SAMHD1: variants seen among roughly 807,000 people sequenced by gnomAD.
SAMHD1 encodes deoxynucleoside triphosphate triphosphohydrolase SAMHD1.
In SAMHD1, 54 loss-of-function variants were observed where a neutral mutation model predicts 79.6. That is an observed-to-expected ratio of 0.68 (90% CI 0.55 to 0.85). SAMHD1 has a LOEUF of 0.85. Among genes scored for constraint, SAMHD1 ranks in the 40% least tolerant of loss-of-function variants. The probability of loss-of-function intolerance (pLI) is 0.00; values close to 1 mark genes in which losing one functional copy is unlikely to be tolerated. For synonymous variants in SAMHD1, 260 were observed against 264.1 expected (o/e 0.98, Z 0.15); for missense variants, 663 against 782.7 (o/e 0.85, Z 1.82).
chr20:36,898,874 T>C (rs866855654), intron 13 of SAMHD1, among the ~76,000 whole-genome samples: 3 of 132,472 alleles, frequency 2.3e-5, no homozygotes, highest in Middle Eastern at 0.011. Flanking sequence ...ATCGCACCAC[T>C]GCACTCCAGC....
intron 6 of SAMHD1, among the ~76,000 whole-genome samples, chr20:36,921,392 CAAAAAAAAAA>C (rs34384942): frequency 1.8e-5 from 1 of 55,090 alleles, no homozygotes; most frequent in African/African-American, 7.4e-5. Flanking sequence ...GACTCTGTCT[CAAAAAAAAAA>C]AAAAAAAAAA....
At chr20:36,916,700 T>G in intron 9 of SAMHD1, 22 bp downstream of exon 9, 1 of 1,509,040 alleles carries the variant, frequency 6.6e-7, no homozygotes, top group Non-Finnish European at 9.2e-7. Flanking sequence ...TTCTTCTTAT[T>G]GCCTCCTCTG....
rs185606135 is a variant in SAMHD1, at chr20:36,912,021, T to C, written c.1154+440A>G. ...TCCTGTTGGTTTTACCATTTGGTAC[T>C]AATTTTGATAAATATTTGAAAGGAT... On this transcript the variant is annotated intron_variant, in intron 10 of 15. Transcript: ENST00000646673. 1.4e-4 allele frequency: 29 copies of C among 204,958 alleles called. No homozygotes were observed. In the East Asian group the frequency reaches 2.2e-3, roughly 16 times the overall value. 12.7% of individuals were successfully genotyped at this position (204,958 alleles called of 1,614,324 possible).
chr20:36,919,789 T>C (rs1483483299), intron 6 of SAMHD1, among the ~76,000 whole-genome samples: 3 of 152,204 alleles, frequency 2.0e-5, no homozygotes, highest in Non-Finnish European at 4.4e-5. Flanking sequence ...TAAATGAATA[T>C]TATAAGATCA....
Position 36,904,210 on chromosome 20 carries a change from T to A in SAMHD1, c.1450A>T (p.Lys484Ter), listed in dbSNP as rs1452285528. The change falls in exon 13 of 16, where the codon AAA becomes TAA. Residue 484 changes from lysine to a stop codon, truncating the protein, a stop_gained. Coordinates refer to ENST00000646673, the MANE Select transcript of SAMHD1 (RefSeq NM_015474.4). LOFTEE classifies it high-confidence loss of function. ...TTCACGTCTAGCAATACTTTGGGTT[T>A]AGCACTGGCAACCTCTTTTGGAAGA... is the stretch of plus-strand genomic sequence containing the variant. Reference protein sequence around the residue: ...ESLPKEVASAKPKVLLDVKLK... With the variant: ...ESLPKEVASA 6.2e-7 allele frequency: 1 copy of A among 1,613,782 alleles called. No individual in the cohort carries two copies. Among genetic ancestry groups the A allele is most frequent in the Non-Finnish European group, 8.5e-7 (1 of 1,179,794 alleles).
intron 1 of SAMHD1, among the ~76,000 whole-genome samples, chr20:36,949,448 C>T (rs2146157092): frequency 7.2e-6 from 1 of 139,582 alleles, no homozygotes; most frequent in Admixed American, 7.5e-5. Flanking sequence ...AAAACCCTGT[C>T]TCTAATTAAA....
At chr20:36,928,383 C>T (rs2063548815) in intron 5 of SAMHD1, among the ~76,000 whole-genome samples, 1 of 149,676 alleles carries the variant, frequency 6.7e-6, no homozygotes, top group African/African-American at 2.5e-5. Context: ...AGCAAGACTC[C>T]ATCTCAAAAG....
chr20:36,945,609 G>A (rs531603391), intron 2 of SAMHD1, among the ~76,000 whole-genome samples: 2 of 152,276 alleles, frequency 1.3e-5, no homozygotes, highest in South Asian at 2.1e-4. Context: ...GGCCACACAC[G>A]GTGGCTTATG....
intron 6 of SAMHD1, among the ~76,000 whole-genome samples, chr20:36,926,598 A>G (rs904978309): frequency 1.0e-4 from 15 of 150,630 alleles, no homozygotes; most frequent in Middle Eastern, 3.4e-3. Flanking sequence ...GAGAGAGAGA[A>G]AAAAAAAGTG....
Position 36,892,792 on chromosome 20 carries a change from GTTAC to G in SAMHD1, c.*136_*139del. On this transcript the variant is annotated 3_prime_UTR_variant, in exon 16 of 16. Coordinates refer to ENST00000646673, the MANE Select transcript of SAMHD1 (RefSeq NM_015474.4). ...TACCATCTTATTTCTTTGATTAAAA[GTTAC>G]TTAGCTTCAGCATGCGTGTACATTC... is the stretch of plus-strand genomic sequence containing the variant. 1 of 1,073,494 alleles carries G rather than the reference GTTAC, an allele frequency of 9.3e-7. No individual in the cohort carries two copies. Among genetic ancestry groups the G allele is most frequent in the Non-Finnish European group, 1.4e-6 (1 of 691,894 alleles). The allele number at this position is 1,073,494 out of a possible 1,614,324, so 66.5% of individuals were successfully genotyped here.
Position 36,935,142 on chromosome 20 carries a change from G to A in SAMHD1, c.396C>T (p.Leu132=), listed in dbSNP as rs1216724127. 6.2e-6 allele frequency: 10 copies of A among 1,613,530 alleles called. No individual in the cohort carries two copies. The Admixed American group carries it at 6.7e-5, about 11-fold the overall frequency. ...ATTGAGGTGTATCAATGATTCGGAC[G>A]AGGAGAGGGTGGAGCTCAATGTGGC... ...IHGHIELHPL[L]VRIIDTPQFQ... The change falls in exon 4 of 16, where the codon CTC becomes CTT. Residue 132 remains leucine, a synonymous_variant. Coordinates refer to ENST00000646673, the MANE Select transcript of SAMHD1 (RefSeq NM_015474.4).
At chr20:36,940,973 G>T in intron 3 of SAMHD1, 66 bp downstream of exon 3, 1 of 1,226,104 alleles carries the variant, frequency 8.2e-7, no homozygotes. Context: ...TCTTCAAAAT[G>T]AATTTTACAT....
rs760912458 is a variant in SAMHD1 at position 36,951,582 on chromosome 20, G to A, written c.62C>T (p.Thr21Ile). 1.2e-6 allele frequency: 2 copies of A among 1,614,072 alleles called. No homozygotes were observed. Among genetic ancestry groups the A allele is most frequent in the South Asian group, 1.1e-5 (1 of 91,090 alleles). Residue 21 changes from threonine (T) to isoleucine (I), a missense_variant, in exon 1 of 16, where the codon ACC becomes ATC. Thr to Ile is a moderately conservative substitution (Grantham distance 89). Coordinates refer to ENST00000646673, the MANE Select transcript of SAMHD1 (RefSeq NM_015474.4). ...CTCTGCGGAAGGGGTGTTTGAGGGG[G>A]TTCTCGGGCTGTCATCGCAACGGGG... ...KRPRCDDSPR[T>I]PSNTPSAEAD...
At chr20:36,942,074 T>C (rs1234165562) in intron 2 of SAMHD1, among the ~76,000 whole-genome samples, 2 of 152,292 alleles carry the variant, frequency 1.3e-5, no homozygotes, top group East Asian at 1.9e-4. Context: ...ACTAACCCCG[T>C]GACCACTTAA....
intron 5 of SAMHD1, among the ~76,000 whole-genome samples, chr20:36,928,178 G>A (rs1236745114): frequency 6.7e-6 from 1 of 149,034 alleles, no homozygotes; most frequent in Non-Finnish European, 1.5e-5. Context: ...CTTTGAGTCA[G>A]GAGTTCGAGA....
At chr20:36,951,347 G>A in intron 1 of SAMHD1, 89 bp downstream of exon 1, 1 of 1,572,154 alleles carries the variant, frequency 6.4e-7, no homozygotes, top group Non-Finnish European at 8.6e-7. Context: ...CCTCGGCCTC[G>A]GTCCTCTCGT....
At chr20:36,902,206 G>T (rs1278114027) in intron 13 of SAMHD1, among the ~76,000 whole-genome samples, 1 of 152,034 alleles carries the variant, frequency 6.6e-6, no homozygotes, top group East Asian at 1.9e-4. Context: ...TTTGAGATGA[G>T]GGTCTTGCTC....
chr20:36,894,572 G>A (rs1166533232), intron 15 of SAMHD1, among the ~76,000 whole-genome samples: 2 of 151,912 alleles, frequency 1.3e-5, no homozygotes, highest in East Asian at 3.9e-4. Flanking sequence ...TTCAAGACCA[G>A]CCTGGGCAAC....
At chr20:36,909,602 C>A (rs909114733) in intron 11 of SAMHD1, among the ~76,000 whole-genome samples, 1 of 141,768 alleles carries the variant, frequency 7.1e-6, no homozygotes, top group Admixed American at 7.4e-5. Context: ...ACTCAGGAGG[C>A]GGAGGTTGCA....
Sources: gnomAD v4.1 joint callset for allele counts (sites outside exome capture counted in the v4.1 genomes callset) on GRCh38, gnomAD v4.1.1 for gene constraint, MANE v1.5 for transcripts, NCBI Gene and HGNC (gene_info 2026-07-23, HGNC 2026-07-21) for gene names.